Variants in ZCCHC14 observed in about 807,000 individuals in gnomAD.
ZCCHC14 encodes zinc finger CCHC-type containing 14.
ZCCHC14 carries 16 observed loss-of-function variants against 85.0 expected under a neutral mutation model. The ratio of observed to expected loss-of-function variants is 0.19; its 90% CI spans 0.13 to 0.29. The LOEUF (loss-of-function observed/expected upper bound fraction) is 0.29, where lower values mean the gene tolerates loss of function less well. ZCCHC14 is among the 10% of genes least tolerant of loss of function. The pLI is 1.00. For missense variants in ZCCHC14, 1,303 were observed against 1,443.5 expected (o/e 0.90, Z 1.58); for synonymous variants, 775 against 630.7 (o/e 1.23, Z -3.43).
chr16:87,458,679 G>A (rs931015960), intron 2 of ZCCHC14, among the ~76,000 whole-genome samples: 3 of 152,202 alleles, frequency 2.0e-5, no homozygotes, highest in Admixed American at 1.3e-4. Flanking sequence ...TGGAAGGCAC[G>A]AAGCGCCGTG....
At chr16:87,447,148 G>A (rs367585539) in intron 2 of ZCCHC14, among the ~76,000 whole-genome samples, 18 of 152,274 alleles carry the variant, frequency 1.2e-4, no homozygotes, top group East Asian at 1.2e-3. Context: ...TTTTGGGGCA[G>A]AGCCTTATAA....
intron 1 of ZCCHC14, among the ~76,000 whole-genome samples, chr16:87,467,962 G>A (rs1306377675): frequency 1.3e-5 from 2 of 152,064 alleles, no homozygotes; most frequent in Admixed American, 6.6e-5. Flanking sequence ...CCAAAGTGCT[G>A]GGATTACAGA....
intron 1 of ZCCHC14, among the ~76,000 whole-genome samples, chr16:87,488,147 A>AT (rs1912598712): frequency 6.6e-6 from 1 of 152,188 alleles, no homozygotes; most frequent in Non-Finnish European, 1.5e-5. Context: ...TAAAGCTGTT[A>AT]TTTTTTAAAC....
intron 1 of ZCCHC14, among the ~76,000 whole-genome samples, chr16:87,481,172 G>A (rs111666753): frequency 6.6e-6 from 1 of 152,136 alleles, no homozygotes; most frequent in African/African-American, 2.4e-5. Flanking sequence ...CCAGGAGACT[G>A]GAATGTTAAT....
intron 4 of ZCCHC14, among the ~76,000 whole-genome samples, chr16:87,422,883 T>C (rs1457623414): frequency 6.7e-6 from 1 of 150,110 alleles, no homozygotes; most frequent in Non-Finnish European, 1.5e-5. Flanking sequence ...TTTTAAACAC[T>C]ACAGAGGGAA....
At chr16:87,485,064 T>C (rs1180679971) in intron 1 of ZCCHC14, among the ~76,000 whole-genome samples, 1 of 152,156 alleles carries the variant, frequency 6.6e-6, no homozygotes, top group Non-Finnish European at 1.5e-5. Context: ...TCTGTGAGCC[T>C]GCAAAGCACC....
rs1351387565 is a variant in ZCCHC14, at chr16:87,412,407, G to C, written c.2314C>G (p.Pro772Ala). 5 of 1,614,068 alleles carry C rather than the reference G, an allele frequency of 3.1e-6. No homozygotes were observed. Among genetic ancestry groups the C allele is most frequent in the Non-Finnish European group, 4.2e-6 (5 of 1,180,048 alleles). Residue 772 changes from proline to alanine, a missense_variant, in exon 12 of 13, where the codon CCG (proline) becomes GCG (alanine). Around this residue, in one of 7 missense-constraint regions of ZCCHC14, gnomAD observed 797 missense variants for 730.8 expected, o/e 1.09. Transcript: ENST00000671377. ...TPSTVLHAAR[P>A]PIKLLLSSSV... ...GACGACAGCAGCAGTTTGATGGGCG[G>C]ACGGGCGGCGTGGAGGACTGTGCTG... is the stretch of plus-strand genomic sequence containing the variant.
At position 87,420,765 on chromosome 16, in the gene ZCCHC14, C is replaced by T; in HGVS notation, c.841-49G>A. The T allele has an allele frequency of 2.0e-6, 3 of 1,496,008 alleles. No individual in the cohort carries two copies. Among genetic ancestry groups the T allele is most frequent in the South Asian group, 1.2e-5 (1 of 80,754 alleles). 92.7% of individuals were successfully genotyped at this position (1,496,008 alleles called of 1,614,324 possible). A position where few individuals can be genotyped will look rare whatever the true frequency, so the allele number is the denominator to read the frequency against. On this transcript the variant is annotated intron_variant, in intron 4 of 12. Coordinates refer to ENST00000671377, the MANE Select transcript of ZCCHC14 (RefSeq NM_015144.3). The surrounding 1 kb of genome is among the most constrained non-coding windows in gnomAD (Gnocchi z 5.0). Reference sequence around the variant, plus strand: ...GAGGTGTGTCCAGACCCATCCAACACCAGCAGAATTCTGCTACTGCAGGAA... The same window carrying T: ...GAGGTGTGTCCAGACCCATCCAACATCAGCAGAATTCTGCTACTGCAGGAA...
At chr16:87,429,084 G>A (rs1433168743) in intron 3 of ZCCHC14, among the ~76,000 whole-genome samples, 6 of 152,278 alleles carry the variant, frequency 3.9e-5, no homozygotes, top group African/African-American at 9.6e-5. Flanking sequence ...TGGAACTTAC[G>A]GGTCATACTT....
At position 87,433,179 on chromosome 16, in the gene ZCCHC14, C is replaced by T; in HGVS notation, c.717G>A (p.Leu239=). ...HSKVSVEKID[L]KGLSHTKNDR... is the part of the protein sequence containing the mutation. ...CATTTTTTGTGTGTGATAATCCCTT[C>T]AGGTCTATCTTTTCAACACTCACTG... Residue 239 remains leucine, a synonymous_variant, in exon 3 of 13, where the codon CTG becomes CTA. Transcript: ENST00000671377. 6.2e-7 allele frequency: 1 copy of T among 1,614,162 alleles called. No individual in the cohort carries two copies. The highest frequency in any genetic ancestry group is 8.5e-7 in the Non-Finnish European group (1 of 1,180,034).
intron 2 of ZCCHC14, among the ~76,000 whole-genome samples, chr16:87,452,615 C>T (rs1910760133): frequency 6.6e-6 from 1 of 152,012 alleles, no homozygotes; most frequent in Non-Finnish European, 1.5e-5. Context: ...CTCAGGAAAC[C>T]GATTTAATGC....
At chr16:87,437,484 G>A (rs190174451) in intron 2 of ZCCHC14, among the ~76,000 whole-genome samples, 6 of 152,254 alleles carry the variant, frequency 3.9e-5, no homozygotes, top group South Asian at 4.2e-4. Context: ...TAAAAATGGC[G>A]ATTCGGCCAC....
At chr16:87,465,029 C>T (rs1025829902) in intron 1 of ZCCHC14, among the ~76,000 whole-genome samples, 7 of 152,190 alleles carry the variant, frequency 4.6e-5, no homozygotes, top group African/African-American at 1.7e-4. Context: ...TCTGCCTGGC[C>T]CCTGCAACCT....
chr16:87,462,632 C>T (rs1382758197), intron 1 of ZCCHC14, among the ~76,000 whole-genome samples: 1 of 150,748 alleles, frequency 6.6e-6, no homozygotes, highest in Non-Finnish European at 1.5e-5. Context: ...CCCAGCTACT[C>T]GGGAGGCTGA....
At chr16:87,467,513 C>G (rs202019948) in intron 1 of ZCCHC14, 16 of 1,606,206 alleles carry the variant, frequency 1.0e-5, no homozygotes, top group Non-Finnish European at 1.4e-5. Context: ...ATACAGCATC[C>G]CTTTCTCAAC....
At chr16:87,438,681 TA>T (rs936689902) in intron 2 of ZCCHC14, among the ~76,000 whole-genome samples, 1 of 152,122 alleles carries the variant, frequency 6.6e-6, no homozygotes, top group African/African-American at 2.4e-5. Flanking sequence ...CCCCAAGAAA[TA>T]AAGGGCCCTG....
At chr16:87,430,337 T>A (rs1188716599) in intron 3 of ZCCHC14, among the ~76,000 whole-genome samples, 1 of 152,178 alleles carries the variant, frequency 6.6e-6, no homozygotes, top group East Asian at 1.9e-4. Context: ...GGCCTGTGCG[T>A]GTGAGTCTGT....
intron 12 of ZCCHC14, 187 bp downstream of exon 12, chr16:87,411,329 T>G: frequency 6.7e-7 from 1 of 1,481,980 alleles, no homozygotes; most frequent in Non-Finnish European, 8.9e-7. Flanking sequence ...ATCATGGCCG[T>G]TTTAGACCCA....
intron 8 of ZCCHC14, among the ~76,000 whole-genome samples, chr16:87,417,145 AC>A (rs1908829523): frequency 6.6e-6 from 1 of 152,134 alleles, no homozygotes; most frequent in African/African-American, 2.4e-5. Flanking sequence ...TAAAAGGGGC[AC>A]CGTGCCAGAG....
Sources: gnomAD v4.1 joint callset for allele counts (sites outside exome capture counted in the v4.1 genomes callset) on GRCh38, gnomAD v4.1.1 for gene constraint, gnomAD v4.1.1 regional missense constraint, Gnocchi (gnomAD v3.1) non-coding constraint, MANE v1.5 for transcripts, NCBI Gene and HGNC (gene_info 2026-07-23, HGNC 2026-07-21) for gene names.